Variants in PSMF1 observed in about 807,000 individuals in gnomAD.
The protein encoded by PSMF1 is proteasome inhibitor PI31 subunit.
In PSMF1, 30 loss-of-function variants were observed where a neutral mutation model predicts 29.3. The observed-to-expected ratio is 1.02, with a 90% CI of 0.77 to 1.39. The LOEUF is 1.39. PSMF1 is among the 40% of genes most tolerant of loss of function. The probability of loss-of-function intolerance (pLI) is 0.00; values close to 1 mark genes in which losing one functional copy is unlikely to be tolerated. For synonymous variants in PSMF1, 134 were observed against 139.7 expected, an observed-to-expected ratio of 0.96 and a Z score of 0.29; for missense variants, 344 against 357.5, an observed-to-expected ratio of 0.96 and a Z score of 0.31.
At chr20:1,125,193 G>T (rs568509715) in intron 1 of PSMF1, among the ~76,000 whole-genome samples, 2 of 152,308 alleles carry the variant, frequency 1.3e-5, no homozygotes, top group South Asian at 4.1e-4. Context: ...AAGATGACTG[G>T]CTTTATTCTT....
At chr20:1,131,232 T>C (rs1320467341) in intron 3 of PSMF1, among the ~76,000 whole-genome samples, 2 of 152,232 alleles carry the variant, frequency 1.3e-5, no homozygotes, top group Non-Finnish European at 2.9e-5. Context: ...GGAATTATAC[T>C]GGCCATTCAT....
At position 1,165,193 on chromosome 20, in the gene PSMF1, T is replaced by C. The variant is rs1165498046; in HGVS notation, c.*113T>C. 1.3e-6 allele frequency: 2 copies of C among 1,573,126 alleles called. No individual in the cohort carries two copies. The highest frequency in any genetic ancestry group is 1.3e-5 in the African/African-American group (1 of 74,102). On this transcript the variant is annotated 3_prime_UTR_variant, in exon 7 of 7. Coordinates refer to ENST00000335877, the MANE Select transcript of PSMF1 (RefSeq NM_006814.5). ...CTGGGGGCAAGGGATTCTGCTCATG[T>C]GTTTGCAGACCGGCTGGGATAGCCT...
chr20:1,122,625 G>A (rs1254367468), intron 1 of PSMF1, among the ~76,000 whole-genome samples: 1 of 152,168 alleles, frequency 6.6e-6, no homozygotes, highest in African/African-American at 2.4e-5. Flanking sequence ...TTCATCAGAG[G>A]AAGTTAAACC....
upstream of PSMF1, chr20:1,118,532 T>G: frequency 4.8e-6 from 2 of 417,572 alleles, no homozygotes; most frequent in Non-Finnish European, 4.3e-6. Flanking sequence ...GGCGGAACCT[T>G]TCAGTGCTGC....
intron 4 of PSMF1, among the ~76,000 whole-genome samples, chr20:1,162,270 G>A (rs770990992): frequency 3.3e-5 from 5 of 152,054 alleles, no homozygotes; most frequent in Non-Finnish European, 5.9e-5. Context: ...TTTCATTTAT[G>A]TAAGGTTTTT....
chr20:1,153,726 T>A (rs190679979), intron 4 of PSMF1, among the ~76,000 whole-genome samples: 2 of 152,196 alleles, frequency 1.3e-5, no homozygotes, highest in African/African-American at 2.4e-5. Flanking sequence ...TCTTAACCCG[T>A]TACTACATCA....
chr20:1,135,429 C>T, intron 4 of PSMF1, 123 bp downstream of exon 4: 6 of 1,068,978 alleles, frequency 5.6e-6, no homozygotes, highest in Non-Finnish European at 7.9e-6. Flanking sequence ...TGATCAGTGT[C>T]TTGGGGTGCA....
chr20:1,133,756 G>T (rs1325352250), intron 3 of PSMF1, among the ~76,000 whole-genome samples: 2 of 149,872 alleles, frequency 1.3e-5, no homozygotes, highest in African/African-American at 2.5e-5. Flanking sequence ...GGAGATTTTT[G>T]GTTTTTGTTT....
Position 1,145,268 on chromosome 20 carries a change from G to A in PSMF1, c.551+9962G>A, listed in dbSNP as rs373783367. Among the ~76,000 whole-genome samples, 9 of 152,284 alleles carry A rather than the reference G, an allele frequency of 5.9e-5. No individual in the cohort carries two copies. In the East Asian group the frequency reaches 7.7e-4, roughly 13 times the overall value. ...GAGCCACTTAGATTCTTAAGTCCAT[G>A]GTATTTATTCAGTTCTGTGTAGGGG... is the stretch of plus-strand genomic sequence containing the variant. On this transcript the variant is annotated intron_variant, in intron 4 of 6. Transcript: ENST00000335877.
chr20:1,156,715 A>C (rs2086599124), intron 4 of PSMF1, among the ~76,000 whole-genome samples: 1 of 152,340 alleles, frequency 6.6e-6, no homozygotes, highest in Middle Eastern at 3.4e-3. Context: ...ATCTTAACAA[A>C]GAAACTAAGA....
rs2086719210 is a variant in PSMF1 at position 1,165,533 on chromosome 20, T to G, written c.*453T>G. The stretch of plus-strand genomic sequence containing the variant: ...TGCTTCCATTTATGAGACTTTAGAG[T>G]TTGAGTTTCTGTAGGGCTGAATGAC... On this transcript the variant is annotated 3_prime_UTR_variant, in exon 7 of 7. Transcript: ENST00000335877. 2 of 1,000,632 alleles carry G rather than the reference T, an allele frequency of 2.0e-6. No individual in the cohort carries two copies. Among genetic ancestry groups the G allele is most frequent in the African/African-American group, 1.7e-5 (1 of 57,540 alleles). 62.0% of individuals were successfully genotyped at this position (1,000,632 alleles called of 1,614,324 possible). A position where few individuals can be genotyped will look rare whatever the true frequency, so the allele number is the denominator to read the frequency against.
At chr20:1,139,884 G>A (rs1041148775) in intron 4 of PSMF1, among the ~76,000 whole-genome samples, 6 of 152,174 alleles carry the variant, frequency 3.9e-5, no homozygotes, top group African/African-American at 1.2e-4. Context: ...AAGAAGAATT[G>A]TGAAAGATTT....
At position 1,165,659 on chromosome 20, in the gene PSMF1, A is replaced by G. The variant is rs768943426; in HGVS notation, c.*579A>G. On this transcript the variant is annotated 3_prime_UTR_variant, in exon 7 of 7. Coordinates refer to ENST00000335877, the MANE Select transcript of PSMF1 (RefSeq NM_006814.5). ...CTAAGATGGGTCCCCTTCTGGCTGCATGAATGGAAATGAGTGACTGGAAAT... is the reference window on the plus strand; with the variant it reads ...CTAAGATGGGTCCCCTTCTGGCTGCGTGAATGGAAATGAGTGACTGGAAAT... 4.0e-6 allele frequency: 4 copies of G among 996,718 alleles called. No homozygotes were observed. Among genetic ancestry groups the G allele is most frequent in the Non-Finnish European group, 4.8e-6 (4 of 836,090 alleles). The allele number at this position is 996,718 out of a possible 1,614,324, so 61.7% of individuals were successfully genotyped here.
intron 4 of PSMF1, among the ~76,000 whole-genome samples, 164 bp from the exon 5 acceptor site, chr20:1,162,965 GT>G (rs2086685148): frequency 1.3e-5 from 2 of 152,098 alleles, no homozygotes; most frequent in South Asian, 4.1e-4. Flanking sequence ...AATTGTCATT[GT>G]AGGATTATCA....
At chr20:1,153,923 G>GA (rs1197239061) in intron 4 of PSMF1, among the ~76,000 whole-genome samples, 2 of 151,832 alleles carry the variant, frequency 1.3e-5, no homozygotes, top group Non-Finnish European at 2.9e-5. Context: ...TTCTAACATA[G>GA]AAAAAAAACA....
Position 1,163,054 on chromosome 20 carries a change from G to C in PSMF1, c.552-76G>C. 2.6e-6 allele frequency: 4 copies of C among 1,517,750 alleles called. No individual in the cohort carries two copies. The highest frequency in any genetic ancestry group is 2.7e-6 in the Non-Finnish European group (3 of 1,098,722). The allele number at this position is 1,517,750 out of a possible 1,614,324, so 94.0% of individuals were successfully genotyped here. On this transcript the variant is annotated intron_variant, in intron 4 of 6. Transcript: ENST00000335877. This position sits in a 1 kb window ranked among gnomAD's most constrained non-coding sequence, Gnocchi z 6.1. Reference sequence around the variant, plus strand: ...ATGCAAGGGTTTCCCATGCCTGTGAGTGTGTTTGTGATCCCACATGTATCA... The same window carrying C: ...ATGCAAGGGTTTCCCATGCCTGTGACTGTGTTTGTGATCCCACATGTATCA...
chr20:1,144,666 CA>C (rs2086426151), intron 4 of PSMF1, among the ~76,000 whole-genome samples: 1 of 152,188 alleles, frequency 6.6e-6, no homozygotes, highest in Non-Finnish European at 1.5e-5. Context: ...TGAAAGAAGC[CA>C]TTCCCAAAAG....
At chr20:1,155,863 A>C (rs891237533) in intron 4 of PSMF1, among the ~76,000 whole-genome samples, 2 of 152,254 alleles carry the variant, frequency 1.3e-5, no homozygotes, top group Non-Finnish European at 2.9e-5. Context: ...AAAATGTTCA[A>C]AGTATCTGGA....
In PSMF1 at chr20:1,135,124, C is replaced by G. The variant is rs1297061029; in HGVS notation, c.369C>G (p.Thr123=). The change falls in exon 4 of 7, where the codon ACC becomes ACG. Residue 123 remains threonine, a synonymous_variant. Coordinates refer to ENST00000335877, the MANE Select transcript of PSMF1 (RefSeq NM_006814.5). The part of the protein sequence containing the change: ...DAEHLGDFHR[T]YKNSEELRSR... ...ACTCTTCATCTGCTTCCTGCAGGAC[C>G]TACAAGAACAGTGAGGAGCTTCGGT... The G allele has an allele frequency of 8.1e-6, 13 of 1,614,044 alleles. No homozygotes were observed. Among genetic ancestry groups the G allele is most frequent in the Non-Finnish European group, 1.1e-5 (13 of 1,180,018 alleles).
Sources: gnomAD v4.1 joint callset for allele counts (sites outside exome capture counted in the v4.1 genomes callset) on GRCh38, gnomAD v4.1.1 for gene constraint, Gnocchi (gnomAD v3.1) non-coding constraint, MANE v1.5 for transcripts, NCBI Gene and HGNC (gene_info 2026-07-23, HGNC 2026-07-21) for gene names.